The following ASAP1 variants were observed in gnomAD, a reference collection of about 807,000 sequenced individuals.
ASAP1 encodes the protein ArfGAP with SH3 domain, ankyrin repeat and PH domain 1.
In ASAP1, 43 loss-of-function variants were observed where a neutral mutation model predicts 145.2. The ratio of observed to expected loss-of-function variants is 0.30; its 90% CI spans 0.23 to 0.38. The LOEUF is 0.38. Ranked by LOEUF, ASAP1 falls within the 10% of genes least tolerant of loss-of-function variation. The pLI, the probability that ASAP1 is intolerant of heterozygous loss-of-function variation, is 1.00. For synonymous variants in ASAP1, 546 were observed against 515.5 expected, an observed-to-expected ratio of 1.06 and a Z score of -0.80; for missense variants, 1,018 against 1,355.3, an observed-to-expected ratio of 0.75 and a Z score of 3.91.
At position 130,358,310 on chromosome 8, in the gene ASAP1, G is replaced by GAGGCGGGCGA. The variant is rs1474583019; in HGVS notation, c.60-177_60-168dup. Among the ~76,000 whole-genome samples, 11 of 149,822 alleles carry GAGGCGGGCGA rather than the reference G, an allele frequency of 7.3e-5. No individual in the cohort carries two copies. The highest frequency in any genetic ancestry group is 3.9e-4 in the East Asian group (2 of 5,136). ...CCGGCAGCGGCGAGAGGGAGGGAAG[G>GAGGCGGGCGA]AGGCGGGCGAAGGCAGGCGGCGGCG... On this transcript the variant is annotated intron_variant, in intron 2 of 29. Coordinates refer to ENST00000518721, the MANE Select transcript of ASAP1 (RefSeq NM_018482.4). The surrounding 1 kb of genome is among the most constrained non-coding windows in gnomAD (Gnocchi z 4.1).
At chr8:130,102,977 C>T (rs922679425) in intron 24 of ASAP1, among the ~76,000 whole-genome samples, 1 of 132,358 alleles carries the variant, frequency 7.6e-6, no homozygotes, top group East Asian at 2.3e-4. Context: ...AGGCACGAGC[C>T]ACCACATCCA....
intron 15 of ASAP1, among the ~76,000 whole-genome samples, chr8:130,130,987 T>C (rs2097582061): frequency 6.6e-6 from 1 of 151,990 alleles, no homozygotes; most frequent in Non-Finnish European, 1.5e-5. Context: ...AAACCCCATC[T>C]CTACTAAAAA....
At chr8:130,323,042 C>T (rs1210716165) in intron 3 of ASAP1, among the ~76,000 whole-genome samples, 2 of 152,204 alleles carry the variant, frequency 1.3e-5, no homozygotes, top group Non-Finnish European at 2.9e-5. Flanking sequence ...ATGAAATTAT[C>T]GTGCATCTGC....
intron 5 of ASAP1, among the ~76,000 whole-genome samples, chr8:130,192,599 G>C (rs1020365324): frequency 3.3e-5 from 5 of 152,068 alleles, no homozygotes; most frequent in African/African-American, 9.7e-5. Context: ...TAAGGTTGGG[G>C]GGCCTGACCT....
chr8:130,359,875 G>C (rs543283301), intron 2 of ASAP1, among the ~76,000 whole-genome samples: 1 of 150,552 alleles, frequency 6.6e-6, no homozygotes, highest in Non-Finnish European at 1.5e-5. Flanking sequence ...CACCCGCCTC[G>C]GCCTCCCAAA....
chr8:130,262,506 C>A (rs1819997540), intron 3 of ASAP1, among the ~76,000 whole-genome samples: 1 of 147,800 alleles, frequency 6.8e-6, no homozygotes, highest in African/African-American at 2.5e-5. Flanking sequence ...TCACTACTCT[C>A]TCCTCAAGTG....
chr8:130,165,414 A>G (rs528856401), intron 11 of ASAP1, among the ~76,000 whole-genome samples: 1 of 152,286 alleles, frequency 6.6e-6, no homozygotes. Context: ...ACTCCCTTCT[A>G]CCTGGGTCTT....
chr8:130,415,332 G>A (rs1176502385), intron 1 of ASAP1, among the ~76,000 whole-genome samples: 2 of 152,008 alleles, frequency 1.3e-5, no homozygotes, highest in African/African-American at 4.8e-5. Flanking sequence ...GTGGGGTGTG[G>A]TGGTATACAC....
intron 4 of ASAP1, among the ~76,000 whole-genome samples, chr8:130,231,170 C>T (rs556436165): frequency 6.6e-6 from 1 of 152,150 alleles, no homozygotes; most frequent in South Asian, 2.1e-4. Context: ...GAACACCACA[C>T]ATTTTTTGCC....
At position 130,235,039 on chromosome 8, in the gene ASAP1, C is replaced by A. The variant is rs189606632; in HGVS notation, c.259+1883G>T. ...CTCCTTTTGTCCATACAATCCCCTGCACATTAGATATTATTTTTTAAATTT... is the reference window on the plus strand; with the variant it reads ...CTCCTTTTGTCCATACAATCCCCTGAACATTAGATATTATTTTTTAAATTT... On this transcript the variant is annotated intron_variant, in intron 4 of 29. Transcript: ENST00000518721. Among the ~76,000 whole-genome samples, 2 of 152,124 alleles carry A rather than the reference C, an allele frequency of 1.3e-5. 1 individual carries two copies. The highest frequency in any genetic ancestry group is 4.2e-4 in the South Asian group (2 of 4,816).
At chr8:130,397,461 G>C (rs1481912867) in intron 2 of ASAP1, among the ~76,000 whole-genome samples, 1 of 152,148 alleles carries the variant, frequency 6.6e-6, no homozygotes, top group Non-Finnish European at 1.5e-5. Flanking sequence ...TTTTAAATAA[G>C]AGGTCCCTGT....
chr8:130,268,493 AC>A (rs1820395570), intron 3 of ASAP1, among the ~76,000 whole-genome samples: 4 of 98,994 alleles, frequency 4.0e-5, no homozygotes, highest in Non-Finnish European at 6.1e-5. Flanking sequence ...GTCTTAAAAC[AC>A]ACACACACAC....
chr8:130,378,525 G>A (rs1239899295), intron 2 of ASAP1, among the ~76,000 whole-genome samples: 1 of 152,260 alleles, frequency 6.6e-6, no homozygotes, highest in Non-Finnish European at 1.5e-5. Context: ...AAATAGCTCA[G>A]TGCAATGAAA....
At chr8:130,281,600 G>C (rs1821249475) in intron 3 of ASAP1, among the ~76,000 whole-genome samples, 1 of 151,634 alleles carries the variant, frequency 6.6e-6, no homozygotes, top group Non-Finnish European at 1.5e-5. Context: ...TTTTTGGGGG[G>C]GTTAAAAAAA....
chr8:130,281,419 T>C (rs1489176321), intron 3 of ASAP1, among the ~76,000 whole-genome samples: 1 of 152,182 alleles, frequency 6.6e-6, no homozygotes, highest in Non-Finnish European at 1.5e-5. Context: ...AACTTACTAC[T>C]GGGAGAGAGG....
intron 3 of ASAP1, among the ~76,000 whole-genome samples, chr8:130,354,744 C>T (rs574869635): frequency 7.7e-4 from 117 of 152,326 alleles, no homozygotes; most frequent in African/African-American, 2.8e-3. Flanking sequence ...GAAACCTTGG[C>T]AGAACACCAG....
chr8:130,427,660 A>C (rs1453428804), intron 1 of ASAP1: 1 of 152,206 alleles, frequency 6.6e-6, no homozygotes, highest in Admixed American at 6.5e-5. Flanking sequence ...GGACTCCAAC[A>C]CAGGACTATG....
At chr8:130,076,325 A>G (rs1022039530) in intron 27 of ASAP1, 23 bp downstream of exon 27, 6 of 1,580,846 alleles carry the variant, frequency 3.8e-6, no homozygotes, top group Non-Finnish European at 4.3e-6. Context: ...ATTACATGTA[A>G]ATGTAAAAAT....
In ASAP1 at chr8:130,214,745, G is replaced by T. The variant is rs776977385; in HGVS notation, c.260-44C>A. On this transcript the variant is annotated intron_variant, in intron 4 of 29. Transcript: ENST00000518721. ...AAGAAAGGAGTCTGAACTATTATTTGCCACAATGAAAAGTTACTTTGAACA... is the reference window on the plus strand; with the variant it reads ...AAGAAAGGAGTCTGAACTATTATTTTCCACAATGAAAAGTTACTTTGAACA... 1.5e-5 allele frequency: 22 copies of T among 1,493,450 alleles called. No homozygotes were observed. The East Asian group carries it at 4.8e-4, about 33-fold the overall frequency. 92.5% of individuals were successfully genotyped at this position (1,493,450 alleles called of 1,614,324 possible).
Sources: gnomAD v4.1 joint callset for allele counts (sites outside exome capture counted in the v4.1 genomes callset) on GRCh38, gnomAD v4.1.1 for gene constraint, Gnocchi (gnomAD v3.1) non-coding constraint, MANE v1.5 for transcripts, NCBI Gene and HGNC (gene_info 2026-07-23, HGNC 2026-07-21) for gene names.